The following TTC6 variants were observed in gnomAD, a reference collection of about 807,000 sequenced individuals.
TTC6 encodes the protein tetratricopeptide repeat protein 6.
TTC6 carries 172 observed loss-of-function variants against 210.4 expected under a neutral mutation model. That is an observed-to-expected ratio of 0.82 (90% CI 0.72 to 0.93). The LOEUF (loss-of-function observed/expected upper bound fraction) is 0.93, where lower values mean the gene tolerates loss of function less well. Among genes scored for constraint, TTC6 ranks in the 40% least tolerant of loss-of-function variants. The probability of loss-of-function intolerance (pLI) is 0.00; values close to 1 mark genes in which losing one functional copy is unlikely to be tolerated. For missense variants in TTC6, 2,414 were observed against 2,318.1 expected (o/e 1.04, Z -0.85); for synonymous variants, 804 against 819.6 (o/e 0.98, Z 0.32).
At chr14:37,665,153 T>C (rs1734204928) in intron 1 of TTC6, among the ~76,000 whole-genome samples, 1 of 150,380 alleles carries the variant, frequency 6.6e-6, no homozygotes, top group African/African-American at 2.4e-5. Flanking sequence ...ACGGGGTATA[T>C]ACCCAAAAGA....
In TTC6 at chr14:37,790,123, C is replaced by T. The variant is rs75497725; in HGVS notation, c.3437-594C>T. 2.8e-3 allele frequency among the ~76,000 whole-genome samples: 423 copies of T among 152,144 alleles called. 2 individuals are homozygous for T. The highest frequency in any genetic ancestry group is 8.5e-3 in the Admixed American group (130 of 15,268). The stretch of plus-strand genomic sequence containing the variant: ...CTTCCATTATTAGGGATGTGCATCT[C>T]GCATCTCGGATAGCTGTCATTTGGG... On this transcript the variant is annotated intron_variant, in intron 15 of 30. Coordinates refer to ENST00000553443, the Ensembl canonical transcript of TTC6.
intron 1 of TTC6, among the ~76,000 whole-genome samples, chr14:37,669,100 T>G (rs1358929584): frequency 6.6e-6 from 1 of 152,196 alleles, no homozygotes; most frequent in African/African-American, 2.4e-5. Context: ...TCTTGCAAAG[T>G]GAGAGAAGAG....
chr14:37,838,322 A>T (rs898044604), intron 29 of TTC6, among the ~76,000 whole-genome samples: 4 of 152,140 alleles, frequency 2.6e-5, no homozygotes, highest in Non-Finnish European at 5.9e-5. Context: ...AATGTGATCA[A>T]GTGCTGGGAT....
chr14:37,693,830 A>G (rs1566892555), intron 3 of TTC6, among the ~76,000 whole-genome samples: 2 of 152,280 alleles, frequency 1.3e-5, no homozygotes, highest in Admixed American at 6.5e-5. Flanking sequence ...ATGCTGGGGA[A>G]AAGGGAGCCT....
chr14:37,839,720 C>T (rs959375419), intron 29 of TTC6, among the ~76,000 whole-genome samples: 2 of 152,112 alleles, frequency 1.3e-5, no homozygotes, highest in Non-Finnish European at 2.9e-5. Context: ...GAAGTCTTTG[C>T]CCATGCCTAT....
chr14:37,622,730 G>A lies in TTC6; in HGVS notation c.666G>A (p.Arg222=), dbSNP rs997115900. Residue 222 remains arginine (R), a synonymous_variant, in exon 1 of 31, where the codon AGG becomes AGA. Coordinates refer to ENST00000553443, the Ensembl canonical transcript of TTC6. ...ACATGGAGGCCAGCAGCGGGCGGAG[G>A]AAAGTGAGGATCCGCAGCAACTTCG... The A allele has an allele frequency of 2.7e-5, 41 of 1,535,038 alleles. No individual in the cohort carries two copies. In the African/African-American group the frequency reaches 5.1e-4, roughly 19 times the overall value.
At chr14:37,836,795 G>T (rs1269224632) in intron 29 of TTC6, among the ~76,000 whole-genome samples, 1 of 152,070 alleles carries the variant, frequency 6.6e-6, no homozygotes, top group East Asian at 1.9e-4. Context: ...TATAATGGAG[G>T]TAAGACTTAG....
chr14:37,806,428 G>A, exon 22 of TTC6: 3 of 1,535,502 alleles, frequency 2.0e-6, no homozygotes, highest in Non-Finnish European at 1.7e-6. Context: ...TATCAGCGAG[G>A]GCTTTGTAAA....
chr14:37,640,521 A>G (rs554398625), intron 1 of TTC6, among the ~76,000 whole-genome samples: 103 of 152,030 alleles, frequency 6.8e-4, no homozygotes, highest in African/African-American at 2.3e-3. Flanking sequence ...TTCACCTTTG[A>G]TTTTGTAATG....
chr14:37,761,292 C>T (rs149119416), intron 14 of TTC6, among the ~76,000 whole-genome samples: 215 of 151,852 alleles, frequency 1.4e-3, no homozygotes, highest in Non-Finnish European at 2.2e-3. Flanking sequence ...GAGGCAACAC[C>T]CCACCCTGCT....
chr14:37,825,438 T>C (rs1284976269), intron 27 of TTC6, among the ~76,000 whole-genome samples: 2 of 152,056 alleles, frequency 1.3e-5, no homozygotes, highest in Non-Finnish European at 2.9e-5. Context: ...TTAAAGTGAG[T>C]CAGCTTCCGA....
At chr14:37,674,470 A>G (rs1156830410) in intron 1 of TTC6, among the ~76,000 whole-genome samples, 2 of 152,156 alleles carry the variant, frequency 1.3e-5, no homozygotes, top group Non-Finnish European at 2.9e-5. Context: ...TATGTATAAG[A>G]CACTTTGTTT....
At chr14:37,736,785 C>T (rs2095902859) in intron 8 of TTC6, among the ~76,000 whole-genome samples, 1 of 152,120 alleles carries the variant, frequency 6.6e-6, no homozygotes, top group South Asian at 2.1e-4. Flanking sequence ...GACAAAATCT[C>T]ACTCCATCTA....
chr14:37,671,780 G>A (rs61988008), intron 1 of TTC6, among the ~76,000 whole-genome samples: 1 of 151,906 alleles, frequency 6.6e-6, no homozygotes, highest in Non-Finnish European at 1.5e-5. Context: ...TCCCTATGTG[G>A]TGAGGAAGGG....
intron 1 of TTC6, among the ~76,000 whole-genome samples, chr14:37,663,576 C>T (rs1019068768): frequency 6.6e-6 from 1 of 152,034 alleles, no homozygotes. Context: ...CTCATACTAT[C>T]AAATTCAAAC....
chr14:37,627,748 G>C (rs1289289288), intron 1 of TTC6, among the ~76,000 whole-genome samples: 1 of 152,142 alleles, frequency 6.6e-6, no homozygotes, highest in Non-Finnish European at 1.5e-5. Flanking sequence ...ATTGTGAATA[G>C]TGCTGCAATA....
At chr14:37,807,363 A>G (rs1309047457) in exon 23 of TTC6, 2 of 1,530,624 alleles carry the variant, frequency 1.3e-6, no homozygotes, top group Admixed American at 3.9e-5. Context: ...AAAGGCAGGT[A>G]TTCCAAAGCA....
At chr14:37,732,200 T>G (rs1303778875) in intron 7 of TTC6, among the ~76,000 whole-genome samples, 2 of 46,490 alleles carry the variant, frequency 4.3e-5, no homozygotes, top group Non-Finnish European at 8.0e-5. Context: ...TTTTTTTTTT[T>G]GAGAGAGAGT....
Position 37,789,627 on chromosome 14 carries a change from T to G in TTC6, c.3437-1090T>G, listed in dbSNP as rs2096075085. Among the ~76,000 whole-genome samples, 4 of 143,352 alleles carry G rather than the reference T, an allele frequency of 2.8e-5. No individual in the cohort carries two copies. In the South Asian group the frequency reaches 8.9e-4, roughly 32 times the overall value. The allele number at this position is 143,352 out of a possible 152,430, so 94.0% of individuals were successfully genotyped here. A position where few individuals can be genotyped will look rare whatever the true frequency, so the allele number is the denominator to read the frequency against. ...ATATATATATATATATTGTATATAC[T>G]CTATGTATATTCTATAATATATTCT... On this transcript the variant is annotated intron_variant, in intron 15 of 30. Transcript: ENST00000553443.
Sources: gnomAD v4.1 joint callset for allele counts (sites outside exome capture counted in the v4.1 genomes callset) on GRCh38, gnomAD v4.1.1 for gene constraint, MANE v1.5 for transcripts, NCBI Gene and HGNC (gene_info 2026-07-23, HGNC 2026-07-21) for gene names.